The following DOCK3 variants were observed in gnomAD, a reference collection of about 807,000 sequenced individuals.
DOCK3 encodes the protein dedicator of cytokinesis protein 3.
Under a neutral mutation model 265.6 loss-of-function variants are expected in DOCK3, and 60 were observed. That is an observed-to-expected ratio of 0.23 (90% CI 0.18 to 0.28). The LOEUF (loss-of-function observed/expected upper bound fraction) is 0.28. Ranked by LOEUF, DOCK3 falls within the 10% of genes least tolerant of loss-of-function variation. DOCK3 has a pLI of 1.00. For missense variants in DOCK3, 1,981 were observed against 2,594.3 expected, an observed-to-expected ratio of 0.76 and a Z score of 5.14; for synonymous variants, 881 against 938.0, an observed-to-expected ratio of 0.94 and a Z score of 1.11.
intron 9 of DOCK3, among the ~76,000 whole-genome samples, chr3:51,127,099 C>A (rs1328807342): frequency 6.6e-6 from 1 of 152,158 alleles, no homozygotes; most frequent in African/African-American, 2.4e-5. Flanking sequence ...GGGCAGGAGG[C>A]ATCCAGCTTG....
At chr3:50,748,288 T>C (rs2108288225) in intron 1 of DOCK3, among the ~76,000 whole-genome samples, 1 of 152,352 alleles carries the variant, frequency 6.6e-6, no homozygotes, top group South Asian at 2.1e-4. Context: ...ATTGCAGCTG[T>C]GAGCCAGTGT....
intron 32 of DOCK3, among the ~76,000 whole-genome samples, chr3:51,319,877 C>G (rs1042801442): frequency 6.6e-6 from 1 of 150,830 alleles, no homozygotes; most frequent in Admixed American, 6.6e-5. Context: ...AAAAAACAAA[C>G]AACAACAACA....
At chr3:51,332,658 A>G (rs566209060) in intron 33 of DOCK3, among the ~76,000 whole-genome samples, 25 of 152,278 alleles carry the variant, frequency 1.6e-4, no homozygotes, top group Admixed American at 5.2e-4. Context: ...TGGGCAACAT[A>G]GCAAGACCCC....
At chr3:50,691,905 A>C (rs1417100600) in intron 1 of DOCK3, among the ~76,000 whole-genome samples, 3 of 151,248 alleles carry the variant, frequency 2.0e-5, no homozygotes, top group Non-Finnish European at 4.4e-5. Flanking sequence ...TTTAAAAGTC[A>C]ATCTAAAAAG....
rs2079783238 is a variant in DOCK3, at chr3:51,260,316, T to C, written c.2345T>C (p.Leu782Pro). ...SLDSRNSETL[L>P]FTQAALLNSF... ...GACAGCCGAAACTCAGAAACACTCCTTTTTACTCAGGTTCGCACACTGCAG... is the reference window on the plus strand; with the variant it reads ...GACAGCCGAAACTCAGAAACACTCCCTTTTACTCAGGTTCGCACACTGCAG... The change falls in exon 23 of 53, where the codon CTT (leucine) becomes CCT (proline). Residue 782 changes from leucine to proline, a missense_variant. Physicochemically the swap from Leu to Pro is moderately conservative, Grantham distance 98. Transcript: ENST00000266037. The C allele has an allele frequency of 6.2e-7, 1 of 1,613,704 alleles. No homozygotes were observed. Among genetic ancestry groups the C allele is most frequent in the Non-Finnish European group, 8.5e-7 (1 of 1,179,762 alleles).
chr3:50,677,391 G>T (rs1055375031), intron 1 of DOCK3, among the ~76,000 whole-genome samples: 12 of 152,156 alleles, frequency 7.9e-5, no homozygotes, highest in African/African-American at 2.7e-4. Flanking sequence ...ACTTTATAAA[G>T]TAGCTTATAC....
At chr3:51,355,941 G>T in intron 41 of DOCK3, 148 bp from the exon 42 acceptor site, 1 of 896,404 alleles carries the variant, frequency 1.1e-6, no homozygotes, top group South Asian at 1.6e-5. Flanking sequence ...GGTCTGATCT[G>T]CCCCTAGAGA....
chr3:50,923,439 C>G (rs2050606617), intron 4 of DOCK3, among the ~76,000 whole-genome samples: 1 of 152,126 alleles, frequency 6.6e-6, no homozygotes, highest in South Asian at 2.1e-4. Flanking sequence ...CTGCATTCCA[C>G]AATATTTAAT....
At chr3:51,278,140 C>G in intron 26 of DOCK3, 1 of 985,400 alleles carries the variant, frequency 1.0e-6, no homozygotes, top group Non-Finnish European at 1.2e-6. Flanking sequence ...ATGTACAGGA[C>G]AGAATAATTT....
intron 9 of DOCK3, among the ~76,000 whole-genome samples, chr3:51,096,253 C>T (rs950724349): frequency 1.9e-4 from 29 of 152,150 alleles, no homozygotes; most frequent in Non-Finnish European, 3.8e-4. Flanking sequence ...CCATTCTCCC[C>T]GTCACTTTCA....
intron 23 of DOCK3, among the ~76,000 whole-genome samples, chr3:51,261,421 A>G (rs2108770093): frequency 6.6e-6 from 1 of 152,292 alleles, no homozygotes; most frequent in South Asian, 2.1e-4. Flanking sequence ...CAACCTGCAG[A>G]CCAGGAGATT....
chr3:51,069,977 C>T (rs2081784184), intron 6 of DOCK3, among the ~76,000 whole-genome samples: 1 of 152,180 alleles, frequency 6.6e-6, no homozygotes, highest in Admixed American at 6.5e-5. Context: ...TGGTGGTGTG[C>T]TCACTGATCA....
intron 7 of DOCK3, among the ~76,000 whole-genome samples, chr3:51,083,552 G>A (rs139129801): frequency 1.3e-5 from 2 of 152,084 alleles, no homozygotes; most frequent in African/African-American, 4.8e-5. Flanking sequence ...AATCAGAAAA[G>A]CAATTCATGA....
At chr3:51,111,996 A>G (rs1560077514) in intron 9 of DOCK3, among the ~76,000 whole-genome samples, 1 of 152,228 alleles carries the variant, frequency 6.6e-6, no homozygotes. Flanking sequence ...CAAAACCACA[A>G]TGAGATACCA....
At chr3:51,292,949 T>C (rs1384036655) in intron 27 of DOCK3, among the ~76,000 whole-genome samples, 1 of 152,190 alleles carries the variant, frequency 6.6e-6, no homozygotes, top group African/African-American at 2.4e-5. Flanking sequence ...CTGACAACTA[T>C]AAAATATTGA....
intron 1 of DOCK3, among the ~76,000 whole-genome samples, chr3:50,726,792 A>C (rs1044826180): frequency 7.9e-5 from 12 of 152,216 alleles, no homozygotes; most frequent in Non-Finnish European, 1.5e-4. Context: ...GGGAGGGAGA[A>C]TAATCTGATT....
chr3:50,845,819 G>A (rs764918923), intron 3 of DOCK3, among the ~76,000 whole-genome samples: 21 of 152,168 alleles, frequency 1.4e-4, no homozygotes, highest in Non-Finnish European at 2.8e-4. Context: ...AAATATTGAA[G>A]TATTTGTGGA....
chr3:51,152,590 T>C (rs1306977736), intron 10 of DOCK3, among the ~76,000 whole-genome samples: 1 of 152,204 alleles, frequency 6.6e-6, no homozygotes, highest in Non-Finnish European at 1.5e-5. Flanking sequence ...GTTTTTAGAA[T>C]TTTCAGCTTT....
chr3:51,177,383 C>G (rs2087016533), intron 12 of DOCK3, among the ~76,000 whole-genome samples: 1 of 151,988 alleles, frequency 6.6e-6, no homozygotes, highest in Admixed American at 6.6e-5. Flanking sequence ...TTCTTGTTAA[C>G]CAATAATATA....
Sources: gnomAD v4.1 joint callset for allele counts (sites outside exome capture counted in the v4.1 genomes callset) on GRCh38, gnomAD v4.1.1 for gene constraint, MANE v1.5 for transcripts, NCBI Gene and HGNC (gene_info 2026-07-23, HGNC 2026-07-21) for gene names.